STK32B: variants seen among roughly 807,000 people sequenced by gnomAD.
STK32B encodes serine/threonine-protein kinase 32B.
A neutral mutation model predicts 52.6 loss-of-function variants in STK32B; 43 were observed. The observed-to-expected ratio is 0.82, with a 90% CI of 0.64 to 1.05. The LOEUF (loss-of-function observed/expected upper bound fraction) is 1.05, where lower values mean the gene tolerates loss of function less well. STK32B is among the 50% of genes least tolerant of loss of function. STK32B has a pLI of 0.00. For missense variants in STK32B, 621 were observed against 534.6 expected, an observed-to-expected ratio of 1.16 and a Z score of -1.59; for synonymous variants, 238 against 204.3, an observed-to-expected ratio of 1.17 and a Z score of -1.41.
Position 5,404,909 on chromosome 4 carries a change from G to A in STK32B, c.472+6665G>A, listed in dbSNP as rs927820656. Among the ~76,000 whole-genome samples the A allele has an allele frequency of 1.5e-5, 2 of 131,098 alleles. 1 individual carries two copies. The highest frequency in any genetic ancestry group is 5.9e-5 in the African/African-American group (2 of 34,188). 86.0% of individuals were successfully genotyped at this position (131,098 alleles called of 152,430 possible). A position where few individuals can be genotyped will look rare whatever the true frequency, so the allele number is the denominator to read the frequency against. ...TGAGATGGAGTCTCGTTCTGTCACC[G>A]AGACTGGAGTGCGGCGGTGCCATCT... is the stretch of plus-strand genomic sequence containing the variant. On this transcript the variant is annotated intron_variant, in intron 5 of 11. Coordinates refer to ENST00000282908, the MANE Select transcript of STK32B (RefSeq NM_018401.3).
intron 3 of STK32B, among the ~76,000 whole-genome samples, chr4:5,210,428 A>G (rs1414473876): frequency 6.6e-6 from 1 of 151,986 alleles, no homozygotes; most frequent in Non-Finnish European, 1.5e-5. Context: ...CTGCACATTC[A>G]CAGCATAGCT....
chr4:5,405,183 G>C (rs191298484), intron 5 of STK32B, among the ~76,000 whole-genome samples: 1 of 151,882 alleles, frequency 6.6e-6, no homozygotes, highest in East Asian at 1.9e-4. Flanking sequence ...ACCTAGTAAG[G>C]GCTTCCTAGC....
At chr4:5,210,565 G>A (rs12233750) in intron 3 of STK32B, among the ~76,000 whole-genome samples, 69,810 of 151,842 alleles carry the variant, frequency 0.46, 16,308 homozygotes, top group Non-Finnish European at 0.49. Context: ...AACTCTACTT[G>A]TGGGCTTATG....
chr4:5,278,705 C>T (rs1728001171), intron 3 of STK32B, among the ~76,000 whole-genome samples: 1 of 152,060 alleles, frequency 6.6e-6, no homozygotes, highest in African/African-American at 2.4e-5. Context: ...TAAAGACATA[C>T]CTGAGACTGG....
At chr4:5,042,834 C>T in the STK32B span, among the ~76,000 whole-genome samples, 17 of 152,102 alleles carry the variant, frequency 1.1e-4, 1 homozygote, top group Admixed American at 9.2e-4. Flanking sequence ...GGGCCGGGCG[C>T]GGTGGCTCAC....
At chr4:5,188,828 A>G (rs1577163232) in intron 3 of STK32B, among the ~76,000 whole-genome samples, 2 of 123,656 alleles carry the variant, frequency 1.6e-5, no homozygotes, top group Admixed American at 8.0e-5. Context: ...TAACATGGAC[A>G]CAGGGCAGGG....
intron 3 of STK32B, among the ~76,000 whole-genome samples, chr4:5,232,699 AG>A (rs1160509485): frequency 6.6e-6 from 1 of 152,156 alleles, no homozygotes. Flanking sequence ...GTGAAGCTGG[AG>A]ATGAAGCCAT....
intron 3 of STK32B, among the ~76,000 whole-genome samples, chr4:5,236,869 T>C (rs1226940195): frequency 1.3e-5 from 2 of 152,220 alleles, no homozygotes; most frequent in African/African-American, 2.4e-5. Flanking sequence ...TGCAAACATA[T>C]ACACCTTTCT....
chr4:5,294,047 C>A (rs563540762), intron 3 of STK32B, among the ~76,000 whole-genome samples: 8 of 152,250 alleles, frequency 5.3e-5, no homozygotes, highest in African/African-American at 1.9e-4. Context: ...AATAGGGAAT[C>A]CTTTCCCCAT....
At chr4:5,472,263 C>T (rs368966787) in intron 11 of STK32B, among the ~76,000 whole-genome samples, 19 of 152,314 alleles carry the variant, frequency 1.2e-4, no homozygotes, top group Middle Eastern at 3.4e-3. Context: ...CCAAACAGTG[C>T]GGTGTGTGCC....
intron 1 of STK32B, among the ~76,000 whole-genome samples, chr4:5,113,422 C>G (rs1269195475): frequency 6.6e-6 from 1 of 152,122 alleles, no homozygotes; most frequent in Non-Finnish European, 1.5e-5. Context: ...GACCAAGACA[C>G]CGTGTGAATG....
At chr4:5,067,828 G>A (rs994786077) in intron 1 of STK32B, among the ~76,000 whole-genome samples, 7 of 152,212 alleles carry the variant, frequency 4.6e-5, no homozygotes, top group South Asian at 2.1e-4. Context: ...GGCGGAAGGC[G>A]AAGGGGAAGC....
chr4:5,344,569 G>T (rs967850549), intron 4 of STK32B, among the ~76,000 whole-genome samples: 2 of 152,030 alleles, frequency 1.3e-5, no homozygotes, highest in Non-Finnish European at 2.9e-5. Context: ...TTCCAGTCTT[G>T]GGAAAATATC....
intron 1 of STK32B, among the ~76,000 whole-genome samples, chr4:5,077,489 C>T (rs561350971): frequency 6.6e-6 from 1 of 152,276 alleles, no homozygotes; most frequent in East Asian, 1.9e-4. Flanking sequence ...TTCCAGGCAG[C>T]TTCTCTGCAG....
intron 3 of STK32B, among the ~76,000 whole-genome samples, chr4:5,170,154 G>A (rs936288913): frequency 2.0e-5 from 3 of 152,106 alleles, no homozygotes; most frequent in Non-Finnish European, 4.4e-5. Context: ...TGTAAATACT[G>A]CTGAGATGAT....
At chr4:5,476,960 C>T (rs144409028) in intron 11 of STK32B, among the ~76,000 whole-genome samples, 153 of 152,096 alleles carry the variant, frequency 1.0e-3, no homozygotes, top group African/African-American at 3.6e-3. Flanking sequence ...GGACTTCCCC[C>T]TGCAACCCTC....
intron 3 of STK32B, among the ~76,000 whole-genome samples, chr4:5,179,276 G>T (rs531005644): frequency 6.6e-6 from 1 of 152,284 alleles, no homozygotes; most frequent in East Asian, 1.9e-4. Context: ...AGGGGAAGTT[G>T]CCCCATGATT....
intron 2 of STK32B, among the ~76,000 whole-genome samples, chr4:5,142,350 C>T (rs1193865766): frequency 3.3e-5 from 5 of 152,156 alleles, no homozygotes; most frequent in African/African-American, 1.2e-4. Context: ...TTACAGAAAC[C>T]TTTCTAAACA....
intron 2 of STK32B, among the ~76,000 whole-genome samples, chr4:5,164,288 T>C (rs921637529): frequency 6.6e-6 from 1 of 152,160 alleles, no homozygotes; most frequent in Non-Finnish European, 1.5e-5. Context: ...AGCCTCGGCA[T>C]TCCTTGGCTT....
Sources: gnomAD v4.1 joint callset for allele counts (sites outside exome capture counted in the v4.1 genomes callset) on GRCh38, gnomAD v4.1.1 for gene constraint, MANE v1.5 for transcripts, NCBI Gene and HGNC (gene_info 2026-07-23, HGNC 2026-07-21) for gene names.